Variants in STK3 observed in about 807,000 individuals in gnomAD.
STK3 encodes the protein serine/threonine kinase 3.
In STK3, 41 loss-of-function variants were observed where a neutral mutation model predicts 58.0. The observed-to-expected ratio is 0.71, with a 90% CI of 0.55 to 0.92. STK3 has a LOEUF of 0.92. Ranked by LOEUF, STK3 falls within the 40% of genes least tolerant of loss-of-function variation. The pLI is 0.00. For missense variants in STK3, 479 were observed against 602.7 expected (o/e 0.79, Z 2.15); for synonymous variants, 170 against 191.0 (o/e 0.89, Z 0.91).
intron 1 of STK3, among the ~76,000 whole-genome samples, chr8:98,824,125 C>T (rs1835091465): frequency 6.6e-6 from 1 of 152,190 alleles, no homozygotes. Context: ...TCAGGGATTG[C>T]TGTCACATAT....
At chr8:98,755,730 G>A (rs1830247596) in intron 3 of STK3, among the ~76,000 whole-genome samples, 3 of 152,168 alleles carry the variant, frequency 2.0e-5, no homozygotes, top group African/African-American at 4.8e-5. Flanking sequence ...CATCCTGCAA[G>A]GACTTTGTCA....
At chr8:98,876,817 G>T (rs1389417762) in intron 3 of STK3, among the ~76,000 whole-genome samples, 2 of 152,218 alleles carry the variant, frequency 1.3e-5, no homozygotes, top group Non-Finnish European at 2.9e-5. Flanking sequence ...CAGCAACCCT[G>T]TCTATTGCTG....
At chr8:98,839,327 C>T (rs972412066) in intron 3 of STK3, among the ~76,000 whole-genome samples, 3 of 152,102 alleles carry the variant, frequency 2.0e-5, no homozygotes, top group African/African-American at 7.2e-5. Context: ...AGGACTACAG[C>T]ATGAACCACC....
intron 6 of STK3, among the ~76,000 whole-genome samples, chr8:98,672,548 T>A (rs968385492): frequency 6.6e-6 from 1 of 152,212 alleles, no homozygotes; most frequent in Admixed American, 6.5e-5. Flanking sequence ...CATCACCATC[T>A]CTTCCACAGG....
intron 9 of STK3, among the ~76,000 whole-genome samples, chr8:98,537,466 G>A (rs1809859996): frequency 6.6e-6 from 1 of 152,120 alleles, no homozygotes; most frequent in Non-Finnish European, 1.5e-5. Context: ...GTGGGACAGA[G>A]AGGATGATGT....
At chr8:98,352,752 A>T in the STK3 span, among the ~76,000 whole-genome samples, 1 of 152,044 alleles carries the variant, frequency 6.6e-6, no homozygotes, top group Non-Finnish European at 1.5e-5. Flanking sequence ...GCTACTTCTG[A>T]TGTTCCTTCT....
intron 10 of STK3, among the ~76,000 whole-genome samples, chr8:98,479,654 C>T (rs767200701): frequency 1.2e-4 from 19 of 152,148 alleles, no homozygotes; most frequent in Non-Finnish European, 2.6e-4. Context: ...ACACATTCTT[C>T]CCCCTCCACA....
downstream of STK3, among the ~76,000 whole-genome samples, chr8:98,396,515 C>T (rs939607643): frequency 6.6e-6 from 1 of 152,232 alleles, no homozygotes; most frequent in Non-Finnish European, 1.5e-5. Flanking sequence ...GCATGGTAGG[C>T]AGGAGACCAG....
At chr8:98,542,912 C>G (rs190218501) in intron 9 of STK3, among the ~76,000 whole-genome samples, 17 of 152,244 alleles carry the variant, frequency 1.1e-4, no homozygotes, top group African/African-American at 4.1e-4. Flanking sequence ...TTCACTATAC[C>G]ACATCATTTG....
chr8:98,358,849 G>A, the STK3 span, among the ~76,000 whole-genome samples: 1 of 152,086 alleles, frequency 6.6e-6, no homozygotes, highest in Non-Finnish European at 1.5e-5. Flanking sequence ...GTGGAGATAA[G>A]CATCAAGAGG....
chr8:98,940,065 C>T (rs1840349053), intron 1 of STK3, among the ~76,000 whole-genome samples: 1 of 152,374 alleles, frequency 6.6e-6, no homozygotes, highest in African/African-American at 2.4e-5. Flanking sequence ...AGATCCCCTT[C>T]CCTGGAGTCA....
chr8:98,586,790 A>T (rs2131781283), intron 7 of STK3, among the ~76,000 whole-genome samples: 1 of 152,134 alleles, frequency 6.6e-6, no homozygotes, highest in South Asian at 2.1e-4. Flanking sequence ...TTATTGGTCT[A>T]TTCAGAGATT....
intron 6 of STK3, among the ~76,000 whole-genome samples, chr8:98,661,130 A>G (rs987786053): frequency 1.3e-4 from 20 of 151,432 alleles, no homozygotes; most frequent in Non-Finnish European, 2.5e-4. Flanking sequence ...CCATAAGTAT[A>G]AATTACAATT....
At chr8:98,641,804 T>C (rs896757673) in intron 6 of STK3, among the ~76,000 whole-genome samples, 2 of 152,154 alleles carry the variant, frequency 1.3e-5, no homozygotes, top group Non-Finnish European at 2.9e-5. Flanking sequence ...GAGTACAACA[T>C]CACAAGGAGT....
intron 6 of STK3, among the ~76,000 whole-genome samples, chr8:98,678,735 C>A (rs1176671055): frequency 6.6e-6 from 1 of 152,100 alleles, no homozygotes; most frequent in African/African-American, 2.4e-5. Context: ...ACAGTAGATA[C>A]ACAAAGTACA....
chr8:98,741,084 G>A (rs1307477360), intron 4 of STK3, among the ~76,000 whole-genome samples: 1 of 152,192 alleles, frequency 6.6e-6, no homozygotes, highest in Non-Finnish European at 1.5e-5. Context: ...GGAGCACCCA[G>A]ATTCATAAAG....
At chr8:98,743,328 C>G (rs1199425214) in intron 4 of STK3, among the ~76,000 whole-genome samples, 1 of 150,808 alleles carries the variant, frequency 6.6e-6, no homozygotes, top group Non-Finnish European at 1.5e-5. Flanking sequence ...TACCTGACTT[C>G]AAACTATACT....
intron 6 of STK3, among the ~76,000 whole-genome samples, chr8:98,636,182 T>C (rs1819604199): frequency 1.3e-5 from 2 of 152,108 alleles, no homozygotes; most frequent in Non-Finnish European, 2.9e-5. Flanking sequence ...ATAAAGATTA[T>C]AATTATTCTC....
intron 1 of STK3, among the ~76,000 whole-genome samples, chr8:98,811,456 CCTA>C (rs1834209213): frequency 6.6e-6 from 1 of 151,600 alleles, no homozygotes; most frequent in Admixed American, 6.6e-5. Flanking sequence ...AAAATTAAGT[CCTA>C]CTAATGATGC....
Sources: allele counts gnomAD v4.1 joint callset (sites outside exome capture counted in the v4.1 genomes callset), GRCh38; gene constraint gnomAD v4.1.1; transcripts MANE v1.5; gene names NCBI Gene and HGNC (gene_info 2026-07-23, HGNC 2026-07-21).